The following IQSEC1 variants were observed in gnomAD, a reference collection of about 807,000 sequenced individuals.
The protein encoded by IQSEC1 is IQ motif and Sec7 domain ArfGEF 1.
Under a neutral mutation model 91.0 loss-of-function variants are expected in IQSEC1, and 31 were observed. The observed-to-expected ratio is 0.34, with a 90% CI of 0.26 to 0.46. The LOEUF is 0.46. IQSEC1 is among the 20% of genes least tolerant of loss of function. IQSEC1 has a pLI of 1.00. For missense variants in IQSEC1, 1,388 were observed against 1,575.6 expected (o/e 0.88, Z 2.02); for synonymous variants, 699 against 662.6 (o/e 1.05, Z -0.84).
At chr3:13,271,492 C>T (rs905481056) in intron 1 of IQSEC1, among the ~76,000 whole-genome samples, 4 of 152,046 alleles carry the variant, frequency 2.6e-5, no homozygotes, top group Admixed American at 2.0e-4. Flanking sequence ...AAGAAAGAGA[C>T]AATTAAAGAA....
intron 2 of IQSEC1, among the ~76,000 whole-genome samples, chr3:13,088,052 T>A (rs1301555100): frequency 6.6e-6 from 1 of 152,042 alleles, no homozygotes; most frequent in East Asian, 1.9e-4. Context: ...TAGAGCACAG[T>A]CCCCCCACCC....
rs1705131046 is a variant in IQSEC1, at chr3:13,063,336, T to TA, written c.23+9655dup. On this transcript the variant is annotated intron_variant, in intron 1 of 13. Coordinates refer to ENST00000613206, the MANE Select transcript of IQSEC1 (RefSeq NM_001134382.3). ...ATAAAAAGTACTTGCTTCCTTCCCT[T>TA]AACCTTTTAGCTTTAGTTGACTGGT... Among the ~76,000 whole-genome samples, 3 of 152,260 alleles carry TA rather than the reference T, an allele frequency of 2.0e-5. No individual in the cohort carries two copies. The South Asian group carries it at 6.2e-4, about 32-fold the overall frequency.
rs1220984407 is a variant in IQSEC1 at position 13,282,751 on chromosome 3, G to A, written c.232C>T (p.Pro78Ser). 1.3e-5 allele frequency among the ~76,000 whole-genome samples: 2 copies of A among 149,050 alleles called. No individual in the cohort carries two copies. Among genetic ancestry groups the A allele is most frequent in the Non-Finnish European group, 3.0e-5 (2 of 66,922 alleles). Residue 78 changes from proline to serine, a missense_variant, in exon 1 of 16, where the codon CCG (proline) becomes TCG (serine). By Grantham distance (74) the Pro-to-Ser change is moderately conservative. Transcript: ENST00000648114. The surrounding 1 kb of genome is among the most constrained non-coding windows in gnomAD (Gnocchi z 6.4). ...CCGAGCTCCGGGATGGCGCCGAGCGGCTGCGGGCCGGGGCCGGGGCCCGGG... is the reference window on the plus strand; with the variant it reads ...CCGAGCTCCGGGATGGCGCCGAGCGACTGCGGGCCGGGGCCGGGGCCCGGG...
intron 1 of IQSEC1, among the ~76,000 whole-genome samples, chr3:13,204,227 G>C (rs1403611006): frequency 6.6e-6 from 1 of 152,250 alleles, no homozygotes. Context: ...CCGCCTCCAC[G>C]TGCGACTGTC....
At chr3:13,093,090 GAC>G (rs1176974109) in intron 2 of IQSEC1, among the ~76,000 whole-genome samples, 1 of 152,032 alleles carries the variant, frequency 6.6e-6, no homozygotes, top group African/African-American at 2.4e-5. Context: ...GGTAACAAGT[GAC>G]TAAATCACAT....
chr3:12,922,623 G>A lies in IQSEC1; in HGVS notation c.1731-381C>T, dbSNP rs1414691814. 1.3e-5 allele frequency among the ~76,000 whole-genome samples: 2 copies of A among 152,176 alleles called. No individual in the cohort carries two copies. Among genetic ancestry groups the A allele is most frequent in the African/African-American group, 4.8e-5 (2 of 41,434 alleles). On this transcript the variant is annotated intron_variant, in intron 4 of 13. Coordinates refer to ENST00000613206, the MANE Select transcript of IQSEC1 (RefSeq NM_001134382.3). The surrounding 1 kb of genome is among the most constrained non-coding windows in gnomAD (Gnocchi z 5.1). ...CTCCTCTCCTTCTGCACGGGGTTGG[G>A]GAGTTTGCTGCCATTTTCACAGTGA...
intron 2 of IQSEC1, among the ~76,000 whole-genome samples, chr3:13,155,876 A>T (rs952276462): frequency 6.6e-6 from 1 of 152,184 alleles, no homozygotes; most frequent in African/African-American, 2.4e-5. Context: ...TGGCCATCTT[A>T]ATTGGTGCAG....
In IQSEC1 at chr3:12,900,939, G is replaced by GTGT; in HGVS notation, c.*41_*43dup. 1 of 1,539,220 alleles carries GTGT rather than the reference G, an allele frequency of 6.5e-7. No individual in the cohort carries two copies. The highest frequency in any genetic ancestry group is 2.4e-5 in the East Asian group (1 of 40,900). The stretch of plus-strand genomic sequence containing the variant: ...GCGACCCCCGGGCGTGCCCTGTGTG[G>GTGT]TGTGCAGGTGTTTCAGGGAGCCTGG... On this transcript the variant is annotated 3_prime_UTR_variant, in exon 14 of 14. Transcript: ENST00000613206.
At chr3:13,118,711 G>A (rs962154763) in intron 2 of IQSEC1, among the ~76,000 whole-genome samples, 4 of 152,150 alleles carry the variant, frequency 2.6e-5, no homozygotes, top group Non-Finnish European at 4.4e-5. Flanking sequence ...AAAAAAGAAC[G>A]AGTTCTGGAG....
chr3:12,908,212 T>G lies in IQSEC1; in HGVS notation c.2755+137A>C, dbSNP rs1695191718. ...TCTGTATGTCACACGCTGCTCTGCT[T>G]TGCGGAAGGTCAGGGGAAATGCCGC... On this transcript the variant is annotated intron_variant, in intron 12 of 13. Transcript: ENST00000613206. The surrounding 1 kb of genome is among the most constrained non-coding windows in gnomAD (Gnocchi z 4.9). 3.5e-6 allele frequency: 3 copies of G among 852,380 alleles called. No homozygotes were observed. The highest frequency in any genetic ancestry group is 2.7e-5 in the Admixed American group (1 of 37,240). The allele number at this position is 852,380 out of a possible 1,614,324, so 52.8% of individuals were successfully genotyped here.
chr3:13,232,005 G>A (rs1274694136), intron 1 of IQSEC1, among the ~76,000 whole-genome samples: 1 of 152,226 alleles, frequency 6.6e-6, no homozygotes, highest in African/African-American at 2.4e-5. Flanking sequence ...GAAACATGCC[G>A]GGCCCCAACC....
At chr3:13,090,888 G>T (rs1705847758) in intron 2 of IQSEC1, among the ~76,000 whole-genome samples, 2 of 152,188 alleles carry the variant, frequency 1.3e-5, no homozygotes, top group African/African-American at 4.8e-5. Flanking sequence ...TGGAACCCGG[G>T]TATCCACAGT....
intron 1 of IQSEC1, among the ~76,000 whole-genome samples, chr3:13,280,513 C>T (rs1233413737): frequency 2.6e-5 from 4 of 152,230 alleles, no homozygotes; most frequent in Non-Finnish European, 5.9e-5. Context: ...CCAGCATTCT[C>T]CTTCCCAAAA....
chr3:13,120,188 A>T (rs758503313), intron 2 of IQSEC1, among the ~76,000 whole-genome samples: 3 of 151,580 alleles, frequency 2.0e-5, no homozygotes, highest in Non-Finnish European at 2.9e-5. Flanking sequence ...TGACCTTCCG[A>T]CCCCCAGGGA....
chr3:13,167,632 C>A (rs1693523585), intron 1 of IQSEC1, among the ~76,000 whole-genome samples: 1 of 152,132 alleles, frequency 6.6e-6, no homozygotes, highest in Admixed American at 6.5e-5. Flanking sequence ...GCCAGTGCTC[C>A]CCGGACAAGG....
intron 1 of IQSEC1, among the ~76,000 whole-genome samples, chr3:13,253,881 C>A (rs750195484): frequency 6.6e-6 from 1 of 152,144 alleles, no homozygotes; most frequent in South Asian, 2.1e-4. Flanking sequence ...CCCCCAGAAG[C>A]AGAACCCCAT....
chr3:13,063,162 C>A (rs758027762), intron 1 of IQSEC1, among the ~76,000 whole-genome samples: 3 of 152,158 alleles, frequency 2.0e-5, no homozygotes, highest in Non-Finnish European at 4.4e-5. Context: ...GCCGACACCA[C>A]GCCCAGCCTG....
intron 1 of IQSEC1, among the ~76,000 whole-genome samples, chr3:13,204,283 G>C (rs965871977): frequency 6.6e-6 from 1 of 152,270 alleles, no homozygotes; most frequent in Non-Finnish European, 1.5e-5. Flanking sequence ...GCGCCAGGAC[G>C]GGGGTGGATT....
upstream of IQSEC1, among the ~76,000 whole-genome samples, chr3:13,077,439 C>T (rs893649095): frequency 1.3e-5 from 2 of 152,214 alleles, no homozygotes; most frequent in African/African-American, 4.8e-5. Context: ...CACTTGTGCA[C>T]GTTTTTAAAC....
Sources: gnomAD v4.1 joint callset for allele counts (sites outside exome capture counted in the v4.1 genomes callset) on GRCh38, gnomAD v4.1.1 for gene constraint, Gnocchi (gnomAD v3.1) non-coding constraint, MANE v1.5 for transcripts, NCBI Gene and HGNC (gene_info 2026-07-23, HGNC 2026-07-21) for gene names.